Variants in GCNT2 observed in about 807,000 individuals in gnomAD.
The protein encoded by GCNT2 is glucosaminyl (N-acetyl) transferase 2 (I blood group).
GCNT2 carries 34 observed loss-of-function variants against 34.2 expected under a neutral mutation model. The ratio of observed to expected loss-of-function variants is 1.00; its 90% CI spans 0.76 to 1.32. GCNT2 has a LOEUF of 1.32. Ranked by LOEUF, GCNT2 falls within the 40% of genes most tolerant of loss-of-function variation. GCNT2 has a pLI of 0.00. For missense variants in GCNT2, 584 were observed against 489.4 expected (o/e 1.19, Z -1.82); for synonymous variants, 212 against 188.0 (o/e 1.13, Z -1.04).
intron 3 of GCNT2, among the ~76,000 whole-genome samples, chr6:10,590,259 C>G (rs1764572737): frequency 6.6e-6 from 1 of 151,942 alleles, no homozygotes; most frequent in South Asian, 2.1e-4. Flanking sequence ...ATTAGCTGGG[C>G]ATAGTGGTGC....
At chr6:10,541,175 G>GC (rs1762021048) in intron 3 of GCNT2, among the ~76,000 whole-genome samples, 2 of 151,938 alleles carry the variant, frequency 1.3e-5, no homozygotes, top group African/African-American at 4.8e-5. Flanking sequence ...CTCTGCCAAC[G>GC]CCCCCCACCA....
In GCNT2 at chr6:10,532,751, C is replaced by G. The variant is rs569537123; in HGVS notation, c.925+2915C>G. Among the ~76,000 whole-genome samples, 4 of 152,286 alleles carry G rather than the reference C, an allele frequency of 2.6e-5. No individual in the cohort carries two copies. In the South Asian group the frequency reaches 8.3e-4, roughly 32 times the overall value. Reference sequence around the variant, plus strand: ...CGTGAGCCACCACATCGGGCAAGCCCTGCCAACTCTTTCCTGACCTGAGGC... The same window carrying G: ...CGTGAGCCACCACATCGGGCAAGCCGTGCCAACTCTTTCCTGACCTGAGGC... On this transcript the variant is annotated intron_variant, in intron 3 of 4. Transcript: ENST00000495262.
intron 3 of GCNT2, among the ~76,000 whole-genome samples, chr6:10,579,826 C>CAAAAAAAAAAAA (rs61490868): frequency 3.5e-3 from 313 of 89,114 alleles, no homozygotes; most frequent in Middle Eastern, 6.6e-3. Context: ...AAAAAACAAA[C>CAAAAAAAAAAAA]AAAAAAAAAA....
intron 3 of GCNT2, among the ~76,000 whole-genome samples, chr6:10,583,306 A>G (rs139424180): frequency 2.0e-5 from 3 of 152,222 alleles, no homozygotes; most frequent in Non-Finnish European, 2.9e-5. Flanking sequence ...GGGCAGGGAA[A>G]TGGCTGCATT....
intron 1 of GCNT2, among the ~76,000 whole-genome samples, chr6:10,523,851 TAGTCCCAGC>T (rs1761047622): frequency 1.3e-5 from 2 of 151,282 alleles, no homozygotes; most frequent in Non-Finnish European, 2.9e-5. Flanking sequence ...TGGGCGCCTG[TAGTCCCAGC>T]TACTCGGGAG....
At chr6:10,579,826 C>CAAAAAAAAA (rs61490868) in intron 3 of GCNT2, among the ~76,000 whole-genome samples, 22 of 89,890 alleles carry the variant, frequency 2.4e-4, no homozygotes, top group African/African-American at 5.3e-4. Context: ...AAAAAACAAA[C>CAAAAAAAAA]AAAAAAAAAA....
chr6:10,584,252 C>T (rs1393413806), intron 3 of GCNT2, among the ~76,000 whole-genome samples: 1 of 152,110 alleles, frequency 6.6e-6, no homozygotes, highest in Non-Finnish European at 1.5e-5. Context: ...AGGAAAAGTG[C>T]TGGGCCTAAA....
chr6:10,551,659 G>T (rs1762485428), intron 3 of GCNT2, among the ~76,000 whole-genome samples: 1 of 151,980 alleles, frequency 6.6e-6, no homozygotes, highest in African/African-American at 2.4e-5. Flanking sequence ...TGGCCAGGCT[G>T]GTCTTGAACT....
At chr6:10,550,217 C>T (rs1762426030) in intron 3 of GCNT2, among the ~76,000 whole-genome samples, 1 of 152,080 alleles carries the variant, frequency 6.6e-6, no homozygotes. Context: ...CCATGCCTGG[C>T]TAATTTTTGT....
At chr6:10,594,565 TAGTA>T (rs1764769377) in intron 3 of GCNT2, among the ~76,000 whole-genome samples, 1 of 152,206 alleles carries the variant, frequency 6.6e-6, no homozygotes, top group African/African-American at 2.4e-5. Context: ...GATGGCTACT[TAGTA>T]AGGCTGTTTT....
At position 10,626,866 on chromosome 6, in the gene GCNT2, T is replaced by C; in HGVS notation, c.*259T>C. On this transcript the variant is annotated 3_prime_UTR_variant, in exon 5 of 5. Transcript: ENST00000495262. ...TGATGCTCACCTCTATATTAGTTTA[T>C]TGTTAGGATCAATGATAAATTTAAA... 1 of 471,652 alleles carries C rather than the reference T, an allele frequency of 2.1e-6. No individual in the cohort carries two copies. The highest frequency in any genetic ancestry group is 3.9e-6 in the Non-Finnish European group (1 of 259,330). The allele number at this position is 471,652 out of a possible 1,614,324, so 29.2% of individuals were successfully genotyped here.
chr6:10,549,187 C>A (rs1762384324), intron 3 of GCNT2, among the ~76,000 whole-genome samples: 1 of 152,178 alleles, frequency 6.6e-6, no homozygotes, highest in African/African-American at 2.4e-5. Flanking sequence ...AACACACAGC[C>A]CTCACAACAC....
chr6:10,583,823 G>GTGTC (rs1002544986), intron 3 of GCNT2, among the ~76,000 whole-genome samples: 4 of 152,158 alleles, frequency 2.6e-5, no homozygotes, highest in Admixed American at 2.0e-4. Context: ...AGATAATACT[G>GTGTC]TGTCAACAGC....
intron 3 of GCNT2, among the ~76,000 whole-genome samples, chr6:10,553,224 C>T (rs1293509902): frequency 1.3e-5 from 2 of 152,316 alleles, no homozygotes; most frequent in South Asian, 2.1e-4. Context: ...CACAATCCTC[C>T]TCCAGCTGGC....
At chr6:10,592,313 A>G (rs1764685454) in intron 3 of GCNT2, among the ~76,000 whole-genome samples, 1 of 152,250 alleles carries the variant, frequency 6.6e-6, no homozygotes, top group Non-Finnish European at 1.5e-5. Context: ...AAATGAGAAC[A>G]TGATTTTCAA....
At chr6:10,582,632 C>T (rs1399169223) in intron 3 of GCNT2, among the ~76,000 whole-genome samples, 10 of 138,176 alleles carry the variant, frequency 7.2e-5, no homozygotes, top group African/African-American at 2.7e-4. Flanking sequence ...ATTTTTTTTC[C>T]CATGGGCTAA....
chr6:10,528,112 C>T (rs544026211), intron 2 of GCNT2, among the ~76,000 whole-genome samples: 1 of 152,256 alleles, frequency 6.6e-6, no homozygotes, highest in East Asian at 1.9e-4. Context: ...AGCCTTTATT[C>T]ATCCGAGTGC....
At chr6:10,531,286 T>C (rs865841983) in intron 3 of GCNT2, among the ~76,000 whole-genome samples, 7 of 152,332 alleles carry the variant, frequency 4.6e-5, no homozygotes, top group Middle Eastern at 3.4e-3. Context: ...TCAAGTTGTT[T>C]ATAGTGAACC....
At chr6:10,618,179 A>G (rs1765877203) in intron 3 of GCNT2, among the ~76,000 whole-genome samples, 1 of 152,170 alleles carries the variant, frequency 6.6e-6, no homozygotes, top group South Asian at 2.1e-4. Flanking sequence ...CTTTGCAAAA[A>G]GAGTAGAATT....
Sources: allele counts gnomAD v4.1 joint callset (sites outside exome capture counted in the v4.1 genomes callset), GRCh38; gene constraint gnomAD v4.1.1; transcripts MANE v1.5; gene names NCBI Gene and HGNC (gene_info 2026-07-23, HGNC 2026-07-21).